Variants in EDN1 observed in about 807,000 individuals in gnomAD.
EDN1 encodes the protein endothelin 1, also known as endothelin-1.
A neutral mutation model predicts 21.7 loss-of-function variants in EDN1; 11 were observed. The ratio of observed to expected loss-of-function variants is 0.51; its 90% CI spans 0.32 to 0.84. The LOEUF is 0.84. Among genes scored for constraint, EDN1 ranks in the 40% least tolerant of loss-of-function variants. The pLI is 0.03. For synonymous variants in EDN1, 85 were observed against 90.6 expected, an observed-to-expected ratio of 0.94 and a Z score of 0.35; for missense variants, 244 against 262.3, an observed-to-expected ratio of 0.93 and a Z score of 0.48.
At position 12,294,084 on chromosome 6, in the gene EDN1, G is replaced by C. The variant is rs1438183776; in HGVS notation, c.377G>C (p.Gly126Ala). ...AAGTGCTGGAATTTTTGCCAAGCAGGAAAAGAACTCAGGTGAGCAGAAACA... is the reference window on the plus strand; with the variant it reads ...AAGTGCTGGAATTTTTGCCAAGCAGCAAAAGAACTCAGGTGAGCAGAAACA... ...DKKCWNFCQA[G>A]KELRAEDIME... is the part of the protein sequence containing the mutation. Residue 126 changes from glycine to alanine, a missense_variant, in exon 3 of 5, where the codon GGA becomes GCA. Transcript: ENST00000379375. 1 of 1,614,132 alleles carries C rather than the reference G, an allele frequency of 6.2e-7. No individual in the cohort carries two copies. The highest frequency in any genetic ancestry group is 2.2e-5 in the East Asian group (1 of 44,890).
At chr6:12,294,178 A>G (rs1762764651) in intron 3 of EDN1, 82 bp downstream of exon 3, 1 of 1,613,116 alleles carries the variant, frequency 6.2e-7, no homozygotes, top group Non-Finnish European at 8.5e-7. Context: ...TTCCTGTTTT[A>G]GAGAGACTAA....
At chr6:12,267,014 G>A in the EDN1 span, among the ~76,000 whole-genome samples, 1 of 152,184 alleles carries the variant, frequency 6.6e-6, no homozygotes. Flanking sequence ...ACCAAATCCA[G>A]CAATATATTG....
the EDN1 span, among the ~76,000 whole-genome samples, chr6:12,281,828 G>A: frequency 5.3e-5 from 8 of 152,234 alleles, no homozygotes; most frequent in East Asian, 1.9e-4. Context: ...AGAAGGGATC[G>A]AAGCCCTTGA....
chr6:12,291,949 G>A (rs1762692535), intron 1 of EDN1, among the ~76,000 whole-genome samples: 1 of 152,168 alleles, frequency 6.6e-6, no homozygotes, highest in Admixed American at 6.5e-5. Context: ...TTAGTCATGT[G>A]CCAATGTTAA....
At position 12,296,018 on chromosome 6, in the gene EDN1, G is replaced by C. The variant is rs146590760; in HGVS notation, c.590G>C (p.Gly197Ala). Residue 197 changes from glycine (G) to alanine (A), a missense_variant, in exon 5 of 5, where the codon GGC (glycine) becomes GCC (alanine). Coordinates refer to ENST00000379375, the MANE Select transcript of EDN1 (RefSeq NM_001955.5). ...TCTTTTCATGATCCCAAGCTGAAAGGCAAGCCCTCCAGAGAGCGTTATGTG... is the reference window on the plus strand; with the variant it reads ...TCTTTTCATGATCCCAAGCTGAAAGCCAAGCCCTCCAGAGAGCGTTATGTG... The part of the protein sequence containing the change: ...KSSFHDPKLK[G>A]KPSRERYVTH... 822 of 1,614,048 alleles carry C rather than the reference G, an allele frequency of 5.1e-4. 1 individual carries two copies. Among genetic ancestry groups the C allele is most frequent in the Non-Finnish European group, 6.4e-4 (757 of 1,180,014 alleles).
chr6:12,277,822 C>G, the EDN1 span, among the ~76,000 whole-genome samples: 4 of 152,196 alleles, frequency 2.6e-5, no homozygotes, highest in African/African-American at 9.6e-5. Flanking sequence ...GAAATGGAAC[C>G]TGGGGAATGG....
the EDN1 span, among the ~76,000 whole-genome samples, chr6:12,268,943 T>C: frequency 6.6e-6 from 1 of 152,142 alleles, no homozygotes; most frequent in Admixed American, 6.6e-5. Context: ...TTTAACAATA[T>C]TAATTCTTCC....
chr6:12,264,163 A>C, the EDN1 span, among the ~76,000 whole-genome samples: 1 of 152,228 alleles, frequency 6.6e-6, no homozygotes, highest in African/African-American at 2.4e-5. Flanking sequence ...TTGCTCATCA[A>C]GATCCCAATG....
chr6:12,284,512 G>GGAAGGAAGGAAGGAAA, the EDN1 span, among the ~76,000 whole-genome samples: 8 of 147,158 alleles, frequency 5.4e-5, no homozygotes, highest in Middle Eastern at 3.2e-3. Flanking sequence ...TAAAAAGGAA[G>GGAAGGAAGGAAGGAAA]GAAGGAAGGA....
At chr6:12,238,196 A>G in the EDN1 span, among the ~76,000 whole-genome samples, 1 of 150,468 alleles carries the variant, frequency 6.6e-6, no homozygotes, top group African/African-American at 2.4e-5. Flanking sequence ...AAAAAGGGAA[A>G]CCCAAAATGC....
the EDN1 span, among the ~76,000 whole-genome samples, chr6:12,283,317 G>C: frequency 6.6e-6 from 1 of 152,046 alleles, no homozygotes; most frequent in Non-Finnish European, 1.5e-5. Context: ...GAGTGTGGAA[G>C]GAATAATTAC....
intron 1 of EDN1, among the ~76,000 whole-genome samples, chr6:12,291,069 CTTAT>C (rs1762668877): frequency 6.6e-6 from 1 of 152,076 alleles, no homozygotes; most frequent in Admixed American, 6.6e-5. Context: ...GAACTTAAAT[CTTAT>C]TTAAACACTA....
chr6:12,292,280 C>A lies in EDN1; in HGVS notation c.65-61C>A, dbSNP rs1762701971. 10 of 1,604,998 alleles carry A rather than the reference C, an allele frequency of 6.2e-6. No homozygotes were observed. The South Asian group carries it at 8.8e-5, about 14-fold the overall frequency. ...CTGCTAGCTCTGACTCTACTGTGAT[C>A]CAGCATGTCTCTCGGCGTTTGAGGA... On this transcript the variant is annotated intron_variant, in intron 1 of 4. Coordinates refer to ENST00000379375, the MANE Select transcript of EDN1 (RefSeq NM_001955.5).
At chr6:12,268,288 A>G in the EDN1 span, among the ~76,000 whole-genome samples, 2 of 152,310 alleles carry the variant, frequency 1.3e-5, 1 homozygote, top group Middle Eastern at 6.8e-3. Flanking sequence ...AAGTGAATGG[A>G]AAGCCTTCTG....
At chr6:12,280,895 A>C in the EDN1 span, among the ~76,000 whole-genome samples, 1 of 152,242 alleles carries the variant, frequency 6.6e-6, no homozygotes, top group African/African-American at 2.4e-5. Flanking sequence ...TCCATCTCAA[A>C]AAACAAACAA....
At chr6:12,275,007 T>TCCC in the EDN1 span, among the ~76,000 whole-genome samples, 2 of 104,630 alleles carry the variant, frequency 1.9e-5, no homozygotes, top group Non-Finnish European at 3.8e-5. Context: ...CCTCCCTCCC[T>TCCC]TCCTTCCTTC....
At chr6:12,293,238 C>A (rs751924852) in intron 2 of EDN1, among the ~76,000 whole-genome samples, 2 of 152,210 alleles carry the variant, frequency 1.3e-5, no homozygotes, top group Non-Finnish European at 2.9e-5. Context: ...GGACCAAAAT[C>A]CAAACAATAT....
the EDN1 span, among the ~76,000 whole-genome samples, chr6:12,253,398 C>G: frequency 3.9e-5 from 6 of 151,972 alleles, no homozygotes; most frequent in Admixed American, 1.3e-4. Flanking sequence ...CTTTATAAAG[C>G]CTATATTCTA....
the EDN1 span, among the ~76,000 whole-genome samples, chr6:12,283,800 A>C: frequency 6.6e-6 from 1 of 152,230 alleles, no homozygotes; most frequent in East Asian, 1.9e-4. Context: ...TGACACTGCA[A>C]ATCCAGTAAC....
Sources: gnomAD v4.1 joint callset for allele counts (sites outside exome capture counted in the v4.1 genomes callset) on GRCh38, gnomAD v4.1.1 for gene constraint, MANE v1.5 for transcripts, NCBI Gene and HGNC (gene_info 2026-07-23, HGNC 2026-07-21) for gene names.